TMEM192: variants seen among roughly 807,000 people sequenced by gnomAD.
The protein encoded by TMEM192 is transmembrane protein 192.
In TMEM192, 20 loss-of-function variants were observed where a neutral mutation model predicts 26.7. The ratio of observed to expected loss-of-function variants is 0.75; its 90% CI spans 0.53 to 1.09. TMEM192 has a LOEUF of 1.09. Among genes scored for constraint, TMEM192 ranks in the 50% least tolerant of loss-of-function variants. The pLI, the probability that TMEM192 is intolerant of heterozygous loss-of-function variation, is 0.00. For synonymous variants in TMEM192, 124 were observed against 121.0 expected (o/e 1.02, Z -0.16); for missense variants, 304 against 322.6 (o/e 0.94, Z 0.44).
intron 3 of TMEM192, among the ~76,000 whole-genome samples, chr4:165,095,783 T>C (rs1022480720): frequency 3.3e-5 from 5 of 151,574 alleles, no homozygotes; most frequent in Admixed American, 2.6e-4. Flanking sequence ...TTTTTAAAAA[T>C]TTTTTTTTAA....
At position 165,103,185 on chromosome 4, in the gene TMEM192, C is replaced by T. The variant is rs182499156; in HGVS notation, c.28-89G>A. On this transcript the variant is annotated intron_variant, in intron 1 of 5. Coordinates refer to ENST00000306480, the MANE Select transcript of TMEM192 (RefSeq NM_001100389.2). ...TCTACTAAACTACAGAGCTTTTTAA[C>T]CACATACAAATTAAAGGCAAGAGAA... The T allele has an allele frequency of 1.2e-5, 15 of 1,261,584 alleles. No homozygotes were observed. The South Asian group carries it at 3.6e-4, about 30-fold the overall frequency. 78.1% of individuals were successfully genotyped at this position (1,261,584 alleles called of 1,614,324 possible). A position where few individuals can be genotyped will look rare whatever the true frequency, so the allele number is the denominator to read the frequency against.
chr4:165,102,901 T>G (rs1332801885), intron 2 of TMEM192, 49 bp downstream of exon 2: 1 of 1,529,688 alleles, frequency 6.5e-7, no homozygotes, highest in Non-Finnish European at 8.8e-7. Context: ...CTTATATAAT[T>G]TTTACAAACA....
intron 2 of TMEM192, 145 bp from the exon 3 acceptor site, chr4:165,101,037 C>T (rs1292921477): frequency 5.4e-5 from 46 of 855,708 alleles, no homozygotes; most frequent in Admixed American, 1.4e-4. Flanking sequence ...AGTGCAGTGG[C>T]GCAATCTCGG....
chr4:165,102,383 A>C (rs1735056160), intron 2 of TMEM192, among the ~76,000 whole-genome samples: 1 of 152,194 alleles, frequency 6.6e-6, no homozygotes, highest in South Asian at 2.1e-4. Context: ...CAAGACCCTC[A>C]GTCCTCATTT....
chr4:165,108,093 T>A (rs901960885), intron 1 of TMEM192, among the ~76,000 whole-genome samples: 1 of 150,214 alleles, frequency 6.7e-6, no homozygotes, highest in African/African-American at 2.4e-5. Flanking sequence ...CTGTGGGTGC[T>A]GGGTATTTTC....
chr4:165,091,166 C>T (rs1313580673), intron 3 of TMEM192, among the ~76,000 whole-genome samples: 1 of 151,574 alleles, frequency 6.6e-6, no homozygotes, highest in East Asian at 2.0e-4. Context: ...ACTCAGGAGG[C>T]TGAGGCAGGA....
intron 3 of TMEM192, among the ~76,000 whole-genome samples, chr4:165,098,440 T>TA (rs1423220846): frequency 2.6e-5 from 4 of 151,028 alleles, no homozygotes; most frequent in Non-Finnish European, 5.9e-5. Flanking sequence ...TTTTTTTTTT[T>TA]AAAACTTAAC....
intron 2 of TMEM192, among the ~76,000 whole-genome samples, chr4:165,102,365 T>C (rs1735055685): frequency 6.6e-6 from 1 of 152,152 alleles, no homozygotes; most frequent in South Asian, 2.1e-4. Flanking sequence ...TATTAGTGTC[T>C]CTTCCACCAA....
intron 3 of TMEM192, among the ~76,000 whole-genome samples, chr4:165,093,593 C>A (rs1734821818): frequency 6.6e-6 from 1 of 152,096 alleles, no homozygotes. Context: ...CACAAGTACC[C>A]TCCTTGAAGA....
At chr4:165,096,246 A>G (rs193003219) in intron 3 of TMEM192, among the ~76,000 whole-genome samples, 4 of 152,068 alleles carry the variant, frequency 2.6e-5, no homozygotes, top group Non-Finnish European at 4.4e-5. Flanking sequence ...CGTCTCTACT[A>G]AAAATATAAA....
rs192539750 is a variant in TMEM192 at position 165,091,402 on chromosome 4, T to G, written c.440-2800A>C. Among the ~76,000 whole-genome samples, 526 of 152,284 alleles carry G rather than the reference T, an allele frequency of 3.5e-3. 5 individuals are homozygous for G. The highest frequency in any genetic ancestry group is 0.024 in the Middle Eastern group (7 of 294). ...CTTTCATTTGTGGGATCTAAGACTA[T>G]CTGAGGATAGATGGTGCTATAATTG... On this transcript the variant is annotated intron_variant, in intron 3 of 5. Transcript: ENST00000306480.
At chr4:165,079,972 A>G (rs569695093) in intron 5 of TMEM192, among the ~76,000 whole-genome samples, 176 bp from the exon 6 acceptor site, 1 of 152,300 alleles carries the variant, frequency 6.6e-6, no homozygotes, top group African/African-American at 2.4e-5. Context: ...TCATTTTAGT[A>G]ACTTCTACTC....
rs1425360162 is a variant in TMEM192 at position 165,075,813 on chromosome 4, C to T, written c.*3845G>A. The T allele has an allele frequency of 6.6e-6, 1 of 152,054 alleles. No homozygotes were observed. Among genetic ancestry groups the T allele is most frequent in the Non-Finnish European group, 1.5e-5 (1 of 68,038 alleles). 9.4% of individuals were successfully genotyped at this position (152,054 alleles called of 1,614,324 possible). A position where few individuals can be genotyped will look rare whatever the true frequency, so the allele number is the denominator to read the frequency against. ...TCTAACTCCTGACCTTGTGATCCAC[C>T]CACCTTGGCCTCCCAAAGTGCTGGT... On this transcript the variant is annotated 3_prime_UTR_variant, in exon 6 of 6. Coordinates refer to ENST00000306480, the MANE Select transcript of TMEM192 (RefSeq NM_001100389.2).
chr4:165,074,842 G>T lies in TMEM192; in HGVS notation c.*4816C>A, dbSNP rs1734339763. ...GATCTGCCTGCCTTGGCCTCCCAAAGTGCTGGGATTACAGGCGGGAGCCAC... is the reference window on the plus strand; with the variant it reads ...GATCTGCCTGCCTTGGCCTCCCAAATTGCTGGGATTACAGGCGGGAGCCAC... On this transcript the variant is annotated 3_prime_UTR_variant, in exon 6 of 6. Transcript: ENST00000306480. The T allele has an allele frequency of 6.6e-6, 1 of 152,172 alleles. No homozygotes were observed. Among genetic ancestry groups the T allele is most frequent in the African/African-American group, 2.4e-5 (1 of 41,448 alleles). The allele number at this position is 152,172 out of a possible 1,614,324, so 9.4% of individuals were successfully genotyped here. A position where few individuals can be genotyped will look rare whatever the true frequency, so the allele number is the denominator to read the frequency against.
chr4:165,108,479 AAC>A (rs1331967292), intron 1 of TMEM192, among the ~76,000 whole-genome samples: 1 of 152,100 alleles, frequency 6.6e-6, no homozygotes, highest in Non-Finnish European at 1.5e-5. Context: ...GTTACTTGGA[AAC>A]AGTCTTGCTG....
chr4:165,080,984 G>C (rs1734505509), intron 5 of TMEM192, among the ~76,000 whole-genome samples: 1 of 152,020 alleles, frequency 6.6e-6, no homozygotes, highest in Admixed American at 6.6e-5. Context: ...CAAAGTGCTG[G>C]GATTACAGGT....
At chr4:165,102,825 T>C in intron 2 of TMEM192, 125 bp downstream of exon 2, 1 of 681,980 alleles carries the variant, frequency 1.5e-6, no homozygotes, top group Non-Finnish European at 2.1e-6. Flanking sequence ...GCACTCAGGA[T>C]GTCCTAAGAA....
rs1734292295 is a variant in TMEM192 at position 165,072,484 on chromosome 4, G to A, written c.*7174C>T. ...AAGCAAGAGAATCACTTGAACCTGGGAGGCGGAGGTTGCAGTGAGCCCAGA... is the reference window on the plus strand; with the variant it reads ...AAGCAAGAGAATCACTTGAACCTGGAAGGCGGAGGTTGCAGTGAGCCCAGA... On this transcript the variant is annotated 3_prime_UTR_variant, in exon 6 of 6. Coordinates refer to ENST00000306480, the MANE Select transcript of TMEM192 (RefSeq NM_001100389.2). 6.6e-6 allele frequency: 1 copy of A among 151,784 alleles called. No individual in the cohort carries two copies. The highest frequency in any genetic ancestry group is 1.9e-4 in the East Asian group (1 of 5,186). The allele number at this position is 151,784 out of a possible 1,614,324, so 9.4% of individuals were successfully genotyped here. A position where few individuals can be genotyped will look rare whatever the true frequency, so the allele number is the denominator to read the frequency against.
intron 1 of TMEM192, among the ~76,000 whole-genome samples, chr4:165,105,849 C>T (rs1192880650): frequency 1.1e-4 from 17 of 152,090 alleles, no homozygotes; most frequent in Admixed American, 1.0e-3. Context: ...ATGTTGGTGT[C>T]CCCCAATAGT....
Sources: allele counts gnomAD v4.1 joint callset (sites outside exome capture counted in the v4.1 genomes callset), GRCh38; gene constraint gnomAD v4.1.1; transcripts MANE v1.5; gene names NCBI Gene and HGNC (gene_info 2026-07-23, HGNC 2026-07-21).